The following ARK2C variants were observed in gnomAD, a reference collection of about 807,000 sequenced individuals.
ARK2C encodes the protein E3 ubiquitin-protein ligase ARK2C.
the ARK2C span, among the ~76,000 whole-genome samples, chr18:46,434,424 A>T: frequency 2.0e-5 from 3 of 152,336 alleles, no homozygotes; most frequent in Admixed American, 1.3e-4. Context: ...GAGAAGAATG[A>T]CTTTTTAAAA....
At chr18:46,357,816 G>A in the ARK2C span, among the ~76,000 whole-genome samples, 3 of 152,200 alleles carry the variant, frequency 2.0e-5, no homozygotes, top group Non-Finnish European at 4.4e-5. Flanking sequence ...CAGTGCTGGA[G>A]GCTAGAAGGC....
At chr18:46,454,099 C>T in the ARK2C span, among the ~76,000 whole-genome samples, 1 of 92,628 alleles carries the variant, frequency 1.1e-5, no homozygotes, top group Non-Finnish European at 1.9e-5. Context: ...GGCAAGAGGG[C>T]AAGGCCGTCT....
chr18:46,380,755 C>T, the ARK2C span, among the ~76,000 whole-genome samples: 1 of 152,176 alleles, frequency 6.6e-6, no homozygotes, highest in East Asian at 1.9e-4. Flanking sequence ...TGTGAGTGGC[C>T]TGCTAGCTAA....
the ARK2C span, among the ~76,000 whole-genome samples, chr18:46,428,485 G>T: frequency 2.5e-3 from 378 of 152,278 alleles, 1 homozygote; most frequent in African/African-American, 8.9e-3. Flanking sequence ...AGTAAGCAGT[G>T]GTCACTGCTC....
At chr18:46,456,661 C>A in the ARK2C span, 1 of 1,512,284 alleles carries the variant, frequency 6.6e-7, no homozygotes. Context: ...AGTGGACACC[C>A]CATTTCCTTC....
the ARK2C span, among the ~76,000 whole-genome samples, chr18:46,422,092 C>T: frequency 6.6e-6 from 1 of 152,162 alleles, no homozygotes; most frequent in Non-Finnish European, 1.5e-5. Flanking sequence ...ACTGATACAC[C>T]TGGAGTACAT....
chr18:46,334,652 A>C, the ARK2C span: 3 of 379,860 alleles, frequency 7.9e-6, no homozygotes, highest in Non-Finnish European at 9.3e-6. The surrounding 1 kb of genome is among the most constrained non-coding windows in gnomAD (Gnocchi z 4.4). Flanking sequence ...GTATGATCGA[A>C]AGGAGAAAGA....
the ARK2C span, among the ~76,000 whole-genome samples, chr18:46,375,625 T>C: frequency 6.6e-6 from 1 of 151,850 alleles, no homozygotes; most frequent in African/African-American, 2.4e-5. Flanking sequence ...TTTCCTTAGC[T>C]CCTTGAATGA....
the ARK2C span, among the ~76,000 whole-genome samples, chr18:46,439,548 C>T: frequency 6.6e-6 from 1 of 152,200 alleles, no homozygotes; most frequent in Non-Finnish European, 1.5e-5. Context: ...TCAATGTACA[C>T]AGCACACTGC....
chr18:46,397,586 G>A, the ARK2C span, among the ~76,000 whole-genome samples: 223 of 70,440 alleles, frequency 3.2e-3, 1 homozygote, highest in East Asian at 9.9e-3. Context: ...GGTCATGCTG[G>A]GGTGTGAGGG....
chr18:46,417,730 C>T, the ARK2C span, among the ~76,000 whole-genome samples: 2 of 152,302 alleles, frequency 1.3e-5, no homozygotes, highest in African/African-American at 4.8e-5. Flanking sequence ...AGGCCGGGAG[C>T]GGTGGCTCAC....
the ARK2C span, among the ~76,000 whole-genome samples, chr18:46,398,819 T>A: frequency 6.6e-6 from 1 of 152,026 alleles, no homozygotes; most frequent in Non-Finnish European, 1.5e-5. Flanking sequence ...GTTACTGTCC[T>A]TTGACCTGCT....
the ARK2C span, among the ~76,000 whole-genome samples, chr18:46,403,198 T>C: frequency 1.3e-5 from 2 of 152,196 alleles, no homozygotes; most frequent in African/African-American, 2.4e-5. Flanking sequence ...AATTCCAGAG[T>C]GTGCCAGAGT....
chr18:46,430,453 C>T, the ARK2C span, among the ~76,000 whole-genome samples: 2 of 152,186 alleles, frequency 1.3e-5, no homozygotes, highest in Non-Finnish European at 2.9e-5. Context: ...GTTCTTTCCC[C>T]CATCCATTTT....
At chr18:46,446,679 AAAAAAAAAAAAAAAAGGAAAAG>A in the ARK2C span, among the ~76,000 whole-genome samples, 1 of 151,216 alleles carries the variant, frequency 6.6e-6, no homozygotes, top group Non-Finnish European at 1.5e-5. Flanking sequence ...TCAAAAAAAA[AAAAAAAAAAAAAAAAGGAAAAG>A]AAAAAAAAAA....
the ARK2C span, among the ~76,000 whole-genome samples, chr18:46,429,197 C>G: frequency 2.6e-5 from 4 of 152,234 alleles, no homozygotes; most frequent in Non-Finnish European, 4.4e-5. Flanking sequence ...TTTTCTGGCT[C>G]ACTTGCAGTC....
the ARK2C span, among the ~76,000 whole-genome samples, chr18:46,353,820 A>G: frequency 6.6e-6 from 1 of 152,308 alleles, no homozygotes; most frequent in Non-Finnish European, 1.5e-5. Context: ...TCAAGGACCC[A>G]GAGACCTGGA....
At chr18:46,375,845 G>C in the ARK2C span, among the ~76,000 whole-genome samples, 1 of 152,140 alleles carries the variant, frequency 6.6e-6, no homozygotes, top group African/African-American at 2.4e-5. Context: ...CAAACAACTG[G>C]AGGTTGATCA....
chr18:46,446,527 C>T, the ARK2C span, among the ~76,000 whole-genome samples: 27 of 151,648 alleles, frequency 1.8e-4, no homozygotes, highest in East Asian at 5.8e-4. Flanking sequence ...AAAAGTTATC[C>T]GGGCGTGGTG....
Sources: allele counts gnomAD v4.1 joint callset (sites outside exome capture counted in the v4.1 genomes callset), GRCh38; gene constraint gnomAD v4.1.1; non-coding constraint Gnocchi (gnomAD v3.1); transcripts MANE v1.5; gene names NCBI Gene and HGNC (gene_info 2026-07-23, HGNC 2026-07-21).